EXOC6B: variants seen among roughly 807,000 people sequenced by gnomAD.
The protein encoded by EXOC6B is SEC15 homolog B.
A neutral mutation model predicts 113.5 loss-of-function variants in EXOC6B; 54 were observed. The observed-to-expected ratio is 0.48, with a 90% CI of 0.38 to 0.60. The LOEUF is 0.60. Ranked by LOEUF, EXOC6B falls within the 20% of genes least tolerant of loss-of-function variation. The probability of loss-of-function intolerance (pLI) is 0.00; values close to 1 mark genes in which losing one functional copy is unlikely to be tolerated. For missense variants in EXOC6B, 797 were observed against 977.5 expected, an observed-to-expected ratio of 0.82 and a Z score of 2.46; for synonymous variants, 357 against 339.0, an observed-to-expected ratio of 1.05 and a Z score of -0.58.
At position 72,466,700 on chromosome 2, in the gene EXOC6B, A is replaced by C. The variant is rs536103969; in HGVS notation, c.1801-1361T>G. The stretch of plus-strand genomic sequence containing the variant: ...AAAAATTATATATTTGTGACGTACA[A>C]CTTGATTTTTGAAATATGTATACAC... On this transcript the variant is annotated intron_variant, in intron 17 of 21. Coordinates refer to ENST00000272427, the MANE Select transcript of EXOC6B (RefSeq NM_015189.3). Among the ~76,000 whole-genome samples the C allele has an allele frequency of 3.9e-5, 6 of 152,316 alleles. No individual in the cohort carries two copies. The East Asian group carries it at 1.2e-3, about 29-fold the overall frequency.
At chr2:72,685,714 T>A (rs1394483373) in intron 6 of EXOC6B, among the ~76,000 whole-genome samples, 1 of 152,146 alleles carries the variant, frequency 6.6e-6, no homozygotes. Flanking sequence ...TGGGACAGAT[T>A]TATGGAATAT....
chr2:72,676,103 T>C (rs1019599525), intron 6 of EXOC6B, among the ~76,000 whole-genome samples: 1 of 148,932 alleles, frequency 6.7e-6, no homozygotes, highest in Non-Finnish European at 1.5e-5. Flanking sequence ...TCTGAACTAA[T>C]ATGTGTACAA....
chr2:72,316,825 G>A (rs1344779575), intron 20 of EXOC6B, among the ~76,000 whole-genome samples: 1 of 152,238 alleles, frequency 6.6e-6, no homozygotes, highest in South Asian at 2.1e-4. Flanking sequence ...CCCAAAGGGG[G>A]GACAATTAAA....
At chr2:72,408,406 A>C (rs1478613215) in intron 18 of EXOC6B, among the ~76,000 whole-genome samples, 4 of 152,218 alleles carry the variant, frequency 2.6e-5, no homozygotes, top group African/African-American at 9.6e-5. Context: ...CCACATTGCC[A>C]AGTCACTCCT....
chr2:72,728,701 G>GAT (rs1308320809), intron 5 of EXOC6B, among the ~76,000 whole-genome samples: 14 of 152,222 alleles, frequency 9.2e-5, no homozygotes, highest in African/African-American at 3.4e-4. Flanking sequence ...GCCCAAAAGT[G>GAT]ATACATATCA....
chr2:72,745,410 T>G (rs1420598042), intron 1 of EXOC6B, among the ~76,000 whole-genome samples: 1 of 152,060 alleles, frequency 6.6e-6, no homozygotes, highest in African/African-American at 2.4e-5. Flanking sequence ...TTATGCAGAA[T>G]AACATGAAAG....
intron 6 of EXOC6B, among the ~76,000 whole-genome samples, chr2:72,630,814 C>T (rs1573517337): frequency 6.6e-6 from 1 of 152,140 alleles, no homozygotes; most frequent in East Asian, 1.9e-4. Flanking sequence ...AATAGCAATC[C>T]TAAATCATAC....
chr2:72,752,170 G>T (rs367953026), intron 1 of EXOC6B, among the ~76,000 whole-genome samples: 39 of 152,112 alleles, frequency 2.6e-4, no homozygotes, highest in African/African-American at 8.9e-4. Context: ...ACAATAAATG[G>T]TGTTGTCATG....
At chr2:72,650,590 T>C (rs1204524544) in intron 6 of EXOC6B, among the ~76,000 whole-genome samples, 1 of 139,776 alleles carries the variant, frequency 7.2e-6, no homozygotes, top group Non-Finnish European at 1.5e-5. Flanking sequence ...GTAGACTCCG[T>C]CTGAAAGAAA....
chr2:72,407,644 G>A (rs1055161292), intron 18 of EXOC6B, among the ~76,000 whole-genome samples: 3 of 152,142 alleles, frequency 2.0e-5, no homozygotes, highest in Non-Finnish European at 4.4e-5. Flanking sequence ...TGCAGAAAAG[G>A]CCTTTGACAA....
At chr2:72,382,550 T>G (rs1215310883) in intron 18 of EXOC6B, among the ~76,000 whole-genome samples, 2 of 152,136 alleles carry the variant, frequency 1.3e-5, no homozygotes, top group African/African-American at 4.8e-5. Flanking sequence ...TTTAAATAGT[T>G]TAGTTCTGTG....
intron 10 of EXOC6B, among the ~76,000 whole-genome samples, 156 bp downstream of exon 10, chr2:72,514,478 T>G (rs1421713047): frequency 6.6e-6 from 1 of 151,210 alleles, no homozygotes; most frequent in Non-Finnish European, 1.5e-5. Context: ...AATCTTGTCT[T>G]AAGGATTAAA....
chr2:72,338,970 C>T (rs200564894), intron 19 of EXOC6B, among the ~76,000 whole-genome samples: 12 of 87,828 alleles, frequency 1.4e-4, no homozygotes, highest in Middle Eastern at 6.8e-3. Flanking sequence ...CACATACATA[C>T]ACATACACAT....
chr2:72,340,815 T>C (rs915686348), intron 19 of EXOC6B, among the ~76,000 whole-genome samples: 4 of 152,150 alleles, frequency 2.6e-5, no homozygotes, highest in Admixed American at 6.6e-5. Context: ...ATGAAGGGTG[T>C]GCTAGACTAT....
intron 20 of EXOC6B, among the ~76,000 whole-genome samples, chr2:72,248,897 G>C (rs536963517): frequency 1.3e-5 from 2 of 152,266 alleles, no homozygotes; most frequent in African/African-American, 2.4e-5. Context: ...TAAATGTAGT[G>C]TTACTGGCTT....
At chr2:72,741,736 T>C (rs1681338100) in intron 1 of EXOC6B, among the ~76,000 whole-genome samples, 1 of 152,216 alleles carries the variant, frequency 6.6e-6, no homozygotes, top group Admixed American at 6.5e-5. Context: ...CCCTTGTATC[T>C]TTCTTTTTCA....
chr2:72,765,535 T>C (rs1389836067), intron 1 of EXOC6B, among the ~76,000 whole-genome samples: 2 of 152,050 alleles, frequency 1.3e-5, no homozygotes, highest in African/African-American at 4.8e-5. Context: ...TAGCCAGCCA[T>C]GATGACTGGT....
intron 6 of EXOC6B, among the ~76,000 whole-genome samples, chr2:72,615,492 A>G (rs546474515): frequency 6.6e-6 from 1 of 151,214 alleles, no homozygotes; most frequent in African/African-American, 2.4e-5. Flanking sequence ...GGGCTGTCAC[A>G]TGGTCAAGTA....
chr2:72,198,871 C>A (rs1429278325), intron 20 of EXOC6B, among the ~76,000 whole-genome samples: 1 of 152,172 alleles, frequency 6.6e-6, no homozygotes, highest in Non-Finnish European at 1.5e-5. Context: ...GTGCATGGGT[C>A]AGGAAAGTCC....
Sources: allele counts gnomAD v4.1 joint callset (sites outside exome capture counted in the v4.1 genomes callset), GRCh38; gene constraint gnomAD v4.1.1; transcripts MANE v1.5; gene names NCBI Gene and HGNC (gene_info 2026-07-23, HGNC 2026-07-21).